The following PAPPA2 variants were observed in gnomAD, a reference collection of about 807,000 sequenced individuals.
PAPPA2 encodes the protein pappalysin-2.
Under a neutral mutation model 176.4 loss-of-function variants are expected in PAPPA2, and 86 were observed. The ratio of observed to expected loss-of-function variants is 0.49; its 90% CI spans 0.41 to 0.58. PAPPA2 has a LOEUF of 0.58. Ranked by LOEUF, PAPPA2 falls within the 20% of genes least tolerant of loss-of-function variation. PAPPA2 has a pLI of 0.00. For missense variants in PAPPA2, 2,073 were observed against 2,256.9 expected (o/e 0.92, Z 1.65); for synonymous variants, 809 against 852.2 (o/e 0.95, Z 0.88).
intron 21 of PAPPA2, among the ~76,000 whole-genome samples, chr1:176,829,204 C>CA (rs1382668622): frequency 6.6e-6 from 1 of 151,702 alleles, no homozygotes; most frequent in Non-Finnish European, 1.5e-5. Flanking sequence ...GCTTAATCCT[C>CA]AAAATTCCTC....
At chr1:176,669,024 G>A (rs1558507876) in intron 3 of PAPPA2, among the ~76,000 whole-genome samples, 1 of 152,108 alleles carries the variant, frequency 6.6e-6, no homozygotes, top group Non-Finnish European at 1.5e-5. Flanking sequence ...GGTTGAGGGA[G>A]GATGGGAGGA....
intron 4 of PAPPA2, among the ~76,000 whole-genome samples, chr1:176,673,538 T>C (rs1474267830): frequency 1.3e-5 from 2 of 152,128 alleles, no homozygotes; most frequent in African/African-American, 4.8e-5. Context: ...CAATAGGAAC[T>C]GAATCTATTT....
intron 6 of PAPPA2, among the ~76,000 whole-genome samples, chr1:176,694,035 C>T (rs1660245334): frequency 6.6e-6 from 1 of 152,166 alleles, no homozygotes. Flanking sequence ...AGGTGGACTG[C>T]AGTTTTGAGA....
At chr1:176,725,806 A>T (rs1198153070) in intron 12 of PAPPA2, among the ~76,000 whole-genome samples, 4 of 152,108 alleles carry the variant, frequency 2.6e-5, no homozygotes, top group Admixed American at 2.6e-4. Context: ...TTTGAGACGG[A>T]GTCTCGCTCT....
chr1:176,552,237 C>G (rs1246291564), intron 1 of PAPPA2, among the ~76,000 whole-genome samples: 3 of 151,924 alleles, frequency 2.0e-5, no homozygotes, highest in African/African-American at 4.8e-5. Flanking sequence ...CTCTACTTCT[C>G]TTTTCCAGTT....
intron 7 of PAPPA2, 107 bp downstream of exon 7, chr1:176,695,966 ATGTG>A (rs67178111): frequency 0.035 from 29,712 of 857,090 alleles, 24 homozygotes; most frequent in East Asian, 0.054. Flanking sequence ...ATGTATGTGT[ATGTG>A]TGTGTGTGTG....
At position 176,475,706 on chromosome 1, in the gene PAPPA2, T is replaced by C. The variant is rs1162920450; in HGVS notation, c.-917+12288T>C. ...GGGCCAAGAAAATAACCCAACATTT[T>C]ATATTCCTTTAAATAGAGATTAGCA... On this transcript the variant is annotated intron_variant, in intron 1 of 22. Transcript: ENST00000367662. Among the ~76,000 whole-genome samples, 3 of 152,246 alleles carry C rather than the reference T, an allele frequency of 2.0e-5. No individual in the cohort carries two copies. The East Asian group carries it at 5.8e-4, about 29-fold the overall frequency.
intron 3 of PAPPA2, chr1:176,616,462 T>C: frequency 1.4e-6 from 1 of 706,366 alleles, no homozygotes; most frequent in Non-Finnish European, 2.5e-6. Flanking sequence ...ACTGGAGCTT[T>C]CCCAAGGCCT....
intron 1 of PAPPA2, among the ~76,000 whole-genome samples, chr1:176,505,385 C>T (rs1020692597): frequency 6.6e-6 from 1 of 152,034 alleles, no homozygotes; most frequent in African/African-American, 2.4e-5. Flanking sequence ...ACTAAAACAA[C>T]TGAACAAAGT....
At chr1:176,735,696 C>CTA (rs1276754064) in intron 12 of PAPPA2, among the ~76,000 whole-genome samples, 3 of 136,770 alleles carry the variant, frequency 2.2e-5, no homozygotes, top group Admixed American at 7.4e-5. Flanking sequence ...ATCTATCTAT[C>CTA]TATCTATCTA....
chr1:176,815,533 C>T, intron 21 of PAPPA2, among the ~76,000 whole-genome samples: 1 of 152,066 alleles, frequency 6.6e-6, no homozygotes, highest in African/African-American at 2.4e-5. Flanking sequence ...AACATGCATA[C>T]ATGTATATGT....
intron 12 of PAPPA2, among the ~76,000 whole-genome samples, chr1:176,732,559 G>A (rs1662212157): frequency 6.6e-6 from 1 of 152,124 alleles, no homozygotes. Flanking sequence ...AGTGCTAAAG[G>A]CAAAGATAAT....
At chr1:176,823,271 A>T (rs1159944918) in intron 21 of PAPPA2, among the ~76,000 whole-genome samples, 1 of 152,256 alleles carries the variant, frequency 6.6e-6, no homozygotes, top group Non-Finnish European at 1.5e-5. Flanking sequence ...ATAAGGTCAC[A>T]TAACAAACAA....
chr1:176,528,579 C>T (rs1338861860), intron 1 of PAPPA2, among the ~76,000 whole-genome samples: 1 of 152,196 alleles, frequency 6.6e-6, no homozygotes. Flanking sequence ...GTAATTTGTC[C>T]ATTCAAGTGG....
rs1467869802 is a variant in PAPPA2, at chr1:176,556,935, C to T, written c.613C>T (p.Arg205Trp). 4 of 1,613,956 alleles carry T rather than the reference C, an allele frequency of 2.5e-6. No homozygotes were observed. The Admixed American group carries it at 5.0e-5, about 20-fold the overall frequency. ...SRQRRQVWKR[R>W]AEDGQGDSGI... ...GCAGCGTCGCCAAGTGTGGAAGAGGCGGGCGGAAGATGGGCAGGGAGACTC... is the reference window on the plus strand; with the variant it reads ...GCAGCGTCGCCAAGTGTGGAAGAGGTGGGCGGAAGATGGGCAGGGAGACTC... Residue 205 changes from arginine to tryptophan, a missense_variant, in exon 2 of 23, where the codon CGG (arginine) becomes TGG (tryptophan). This residue lies in a region of PAPPA2 where 1,196 missense variants were observed against 1,330.4 expected (regional missense o/e 0.90). Coordinates refer to ENST00000367662, the MANE Select transcript of PAPPA2 (RefSeq NM_020318.3).
At chr1:176,572,093 A>G (rs1483642359) in intron 2 of PAPPA2, among the ~76,000 whole-genome samples, 1 of 152,206 alleles carries the variant, frequency 6.6e-6, no homozygotes, top group Admixed American at 6.5e-5. Flanking sequence ...CTTTCCTGAC[A>G]TTACACAGGG....
At position 176,765,818 on chromosome 1, in the gene PAPPA2, A is replaced by G; in HGVS notation, c.4304A>G (p.Gln1435Arg). The G allele has an allele frequency of 1.4e-5, 22 of 1,614,090 alleles. No individual in the cohort carries two copies. The highest frequency in any genetic ancestry group is 1.9e-5 in the Non-Finnish European group (22 of 1,179,978). ...TTTGCCCTTCAGGCCAGCAGTGGGC[A>G]GTACATCAGGCCCATGCAGGTGAGT... The part of the protein sequence containing the change: ...RGFALQASSG[Q>R]YIRPMQKEIL... The change falls in exon 15 of 23, where the codon CAG becomes CGG. Residue 1435 changes from glutamine to arginine, a missense_variant. Coordinates refer to ENST00000367662, the MANE Select transcript of PAPPA2 (RefSeq NM_020318.3).
chr1:176,560,682 TG>T (rs1331456837), intron 2 of PAPPA2, among the ~76,000 whole-genome samples: 3 of 152,216 alleles, frequency 2.0e-5, no homozygotes, highest in Admixed American at 6.5e-5. Context: ...CATCCACGTG[TG>T]TAACTTTTAA....
intron 12 of PAPPA2, among the ~76,000 whole-genome samples, chr1:176,717,257 A>G (rs1661419653): frequency 6.6e-6 from 1 of 152,072 alleles, no homozygotes; most frequent in African/African-American, 2.4e-5. Context: ...GCCAGCCAAA[A>G]CCAGCAGATG....
Sources: gnomAD v4.1 joint callset for allele counts (sites outside exome capture counted in the v4.1 genomes callset) on GRCh38, gnomAD v4.1.1 for gene constraint, gnomAD v4.1.1 regional missense constraint, MANE v1.5 for transcripts, NCBI Gene and HGNC (gene_info 2026-07-23, HGNC 2026-07-21) for gene names.